RBM6: variants seen among roughly 807,000 people sequenced by gnomAD.
RBM6 encodes RNA binding motif protein 6, also known as RNA-binding protein 6.
RBM6 carries 23 observed loss-of-function variants against 140.4 expected under a neutral mutation model. The ratio of observed to expected loss-of-function variants is 0.16; its 90% confidence interval spans 0.12 to 0.23. The LOEUF is 0.23. Among genes scored for constraint, RBM6 ranks in the 10% least tolerant of loss-of-function variants. RBM6 has a pLI of 1.00. For synonymous variants in RBM6, 439 were observed against 475.6 expected (o/e 0.92, Z 1.00); for missense variants, 1,139 against 1,386.7 (o/e 0.82, Z 2.84).
At chr3:49,973,416 G>A (rs2084893777) in intron 4 of RBM6, among the ~76,000 whole-genome samples, 1 of 152,084 alleles carries the variant, frequency 6.6e-6, no homozygotes, top group Non-Finnish European at 1.5e-5. Flanking sequence ...AGTTCATGCT[G>A]AGGAAGTGCT....
intron 17 of RBM6, among the ~76,000 whole-genome samples, chr3:50,066,722 G>C (rs1256298578): frequency 2.0e-5 from 3 of 152,152 alleles, no homozygotes; most frequent in Non-Finnish European, 4.4e-5. Context: ...CAGCCACTCG[G>C]GAGGCTGAGG....
rs369975529 is a variant in RBM6 at position 50,064,089 on chromosome 3, C to T, written c.2587-942C>T. ...GCTGGGATATCAGGCGCTGCCACAA[C>T]GCCCAGCTAATTTTTGTATTTTTAG... On this transcript the variant is annotated intron_variant, in intron 15 of 20. Coordinates refer to ENST00000266022, the MANE Select transcript of RBM6 (RefSeq NM_005777.3). 2.4e-3 allele frequency among the ~76,000 whole-genome samples: 361 copies of T among 151,886 alleles called. 14 individuals carry two copies. In the South Asian group the frequency reaches 0.07, roughly 30 times the overall value.
chr3:49,986,132 G>T (rs1251771438), intron 5 of RBM6, among the ~76,000 whole-genome samples: 1 of 151,232 alleles, frequency 6.6e-6, no homozygotes, highest in Non-Finnish European at 1.5e-5. Context: ...AATTACAGGC[G>T]CCTGCCACCA....
rs544723228 is a variant in RBM6, at chr3:49,995,079, T to C, written c.1484-4361T>C. On this transcript the variant is annotated intron_variant, in intron 5 of 20. Coordinates refer to ENST00000266022, the MANE Select transcript of RBM6 (RefSeq NM_005777.3). ...AGAGATTGAAGAGTTAGTTCTGAGA[T>C]TGAATACTATTTATCAGGGTTTTGT... Among the ~76,000 whole-genome samples the C allele has an allele frequency of 7.9e-5, 12 of 152,320 alleles. No individual in the cohort carries two copies. In the South Asian group the frequency reaches 2.1e-3, roughly 26 times the overall value.
intron 5 of RBM6, among the ~76,000 whole-genome samples, chr3:49,987,323 TTG>T (rs2085609013): frequency 6.6e-6 from 1 of 151,796 alleles, no homozygotes; most frequent in African/African-American, 2.4e-5. Flanking sequence ...ATTTCCTTTT[TTG>T]TTTTCTTTTT....
intron 5 of RBM6, among the ~76,000 whole-genome samples, chr3:49,997,928 G>A (rs2086159391): frequency 6.6e-6 from 1 of 152,200 alleles, no homozygotes. Context: ...AGAGGAGACT[G>A]ATTTTGTGGT....
intron 6 of RBM6, among the ~76,000 whole-genome samples, chr3:50,019,604 C>T (rs7629384): frequency 0.018 from 2,709 of 152,254 alleles, 83 homozygotes; most frequent in African/African-American, 0.062. Context: ...ATCCTCCCAC[C>T]TCAGCCTCCC....
intron 5 of RBM6, among the ~76,000 whole-genome samples, chr3:49,994,596 A>G (rs2085982956): frequency 6.6e-6 from 1 of 151,994 alleles, no homozygotes; most frequent in African/African-American, 2.4e-5. Flanking sequence ...TTGATGTTTC[A>G]TGGTGCCTTT....
chr3:50,021,740 CTTTTTTTTT>C (rs542734328), intron 6 of RBM6, among the ~76,000 whole-genome samples: 6 of 42,750 alleles, frequency 1.4e-4, no homozygotes, highest in Admixed American at 9.1e-4. Context: ...AATTTAAGTG[CTTTTTTTTT>C]TTTTTTTTTT....
At position 50,061,207 on chromosome 3, in the gene RBM6, G is replaced by A. The variant is rs772615456; in HGVS notation, c.2339G>A (p.Arg780Gln). The change falls in exon 13 of 21, where the codon CGA becomes CAA. Residue 780 changes from arginine (R) to glutamine (Q), a missense_variant. By Grantham distance (43) the Arg-to-Gln change is conservative. This residue lies in a region of RBM6 where 163 missense variants were observed against 182.8 expected (regional missense o/e 0.89). Coordinates refer to ENST00000266022, the MANE Select transcript of RBM6 (RefSeq NM_005777.3). The stretch of plus-strand genomic sequence containing the variant: ...TCAGACTGGTCTTCAGATACAAATC[G>A]ACAAGGACAACAGTGTAAGTAACCT... ...RNSDWSSDTN[R>Q]QGQQSSSDCY... is the part of the protein sequence containing the mutation. 11 of 1,614,146 alleles carry A rather than the reference G, an allele frequency of 6.8e-6. No individual in the cohort carries two copies. The highest frequency in any genetic ancestry group is 2.7e-5 in the African/African-American group (2 of 75,038).
chr3:50,062,770 A>G (rs1022497489), intron 15 of RBM6, among the ~76,000 whole-genome samples: 2 of 151,722 alleles, frequency 1.3e-5, no homozygotes, highest in African/African-American at 4.8e-5. Context: ...TATTTTTTCC[A>G]TGTTTCTATA....
At chr3:49,999,365 A>G in intron 5 of RBM6, 75 bp from the exon 6 acceptor site, 2 of 1,299,986 alleles carry the variant, frequency 1.5e-6, no homozygotes, top group South Asian at 2.4e-5. Flanking sequence ...GTTCAGAAAC[A>G]GGGGATTTAA....
chr3:50,003,378 G>A (rs961649091), intron 6 of RBM6, among the ~76,000 whole-genome samples: 2 of 151,164 alleles, frequency 1.3e-5, no homozygotes, highest in African/African-American at 4.9e-5. Flanking sequence ...GACCAAATTG[G>A]TATGGATTCT....
intron 5 of RBM6, among the ~76,000 whole-genome samples, chr3:49,985,373 A>G (rs1422900044): frequency 2.6e-5 from 4 of 152,166 alleles, no homozygotes; most frequent in African/African-American, 7.2e-5. Context: ...TCTGCTTGCA[A>G]CAGAACATCT....
intron 8 of RBM6, among the ~76,000 whole-genome samples, chr3:50,057,093 TAGTC>T (rs1348479960): frequency 7.9e-5 from 12 of 152,222 alleles, no homozygotes; most frequent in African/African-American, 1.2e-4. Flanking sequence ...TTGATTATGA[TAGTC>T]AGGTTCAAGG....
chr3:49,957,687 G>A (rs921702496), intron 1 of RBM6, among the ~76,000 whole-genome samples: 14 of 151,896 alleles, frequency 9.2e-5, no homozygotes, highest in African/African-American at 3.4e-4. Context: ...TTTGTAAATC[G>A]TATCTCAGGA....
At chr3:50,013,437 G>A (rs1459284680) in intron 6 of RBM6, among the ~76,000 whole-genome samples, 1 of 152,130 alleles carries the variant, frequency 6.6e-6, no homozygotes, top group Non-Finnish European at 1.5e-5. Flanking sequence ...TTCAGAGGCC[G>A]AGGGAGGCGG....
At chr3:49,988,883 G>GT (rs2085686419) in intron 5 of RBM6, among the ~76,000 whole-genome samples, 1 of 151,846 alleles carries the variant, frequency 6.6e-6, no homozygotes, top group African/African-American at 2.4e-5. Context: ...GATTGTGGAG[G>GT]TTTCAGTGAG....
chr3:50,057,573 G>A (rs2089754854), intron 8 of RBM6, among the ~76,000 whole-genome samples, 155 bp from the exon 9 acceptor site: 1 of 58,114 alleles, frequency 1.7e-5, no homozygotes, highest in African/African-American at 6.6e-5. Context: ...GGCAACAAGA[G>A]CAAAACTCCG....
Sources: allele counts gnomAD v4.1 joint callset (sites outside exome capture counted in the v4.1 genomes callset), GRCh38; gene constraint gnomAD v4.1.1; regional missense constraint gnomAD v4.1.1; transcripts MANE v1.5; gene names NCBI Gene and HGNC (gene_info 2026-07-23, HGNC 2026-07-21).